Variants in B4GALT6 observed in about 807,000 individuals in gnomAD.
B4GALT6 encodes UDP-Gal:beta-GlcNAc beta-1,4-galactosyltransferase 6.
B4GALT6 carries 14 observed loss-of-function variants against 46.3 expected under a neutral mutation model. The observed-to-expected ratio is 0.30, with a 90% CI of 0.20 to 0.47. The LOEUF is 0.47. Ranked by LOEUF, B4GALT6 falls within the 20% of genes least tolerant of loss-of-function variation. The pLI is 0.99. For missense variants in B4GALT6, 386 were observed against 480.1 expected, an observed-to-expected ratio of 0.80 and a Z score of 1.83; for synonymous variants, 168 against 162.0, an observed-to-expected ratio of 1.04 and a Z score of -0.28.
At chr18:31,629,564 T>C (rs1264370720) in intron 6 of B4GALT6, among the ~76,000 whole-genome samples, 2 of 145,438 alleles carry the variant, frequency 1.4e-5, no homozygotes, top group Non-Finnish European at 3.0e-5. Flanking sequence ...AAGAACCAGA[T>C]TGTTGCCGGG....
Position 31,684,349 on chromosome 18 carries a change from C to A in B4GALT6, c.78G>T (p.Ser26=), listed in dbSNP as rs745989884. The change falls in exon 1 of 9, where the codon TCG becomes TCT. Residue 26 remains serine, a synonymous_variant. Coordinates refer to ENST00000306851, the MANE Select transcript of B4GALT6 (RefSeq NM_004775.5). The part of the protein sequence containing the change: ...LAFIFFFSLS[S]SCLYFIYVAP... ...CCACATAGATGAAGTACAGACAGGA[C>A]GAAGAGAGGGAGAAGAAGAAGATGA... 1.9e-6 allele frequency: 3 copies of A among 1,613,180 alleles called. No homozygotes were observed. The highest frequency in any genetic ancestry group is 1.7e-5 in the Admixed American group (1 of 59,926).
rs1467148835 is a variant in B4GALT6, at chr18:31,654,719, C to T, written c.346+3257G>A. Among the ~76,000 whole-genome samples the T allele has an allele frequency of 2.0e-5, 3 of 152,250 alleles. No individual in the cohort carries two copies. In the East Asian group the frequency reaches 5.8e-4, roughly 29 times the overall value. On this transcript the variant is annotated intron_variant, in intron 3 of 8. Coordinates refer to ENST00000306851, the MANE Select transcript of B4GALT6 (RefSeq NM_004775.5). ...TTTTAGTGACTATAAGTAAATATTA[C>T]TTGTACTTGAATGGTTTTCATCTAA... is the stretch of plus-strand genomic sequence containing the variant.
upstream of B4GALT6, among the ~76,000 whole-genome samples, chr18:31,690,217 C>T (rs946937017): frequency 8.5e-5 from 13 of 152,086 alleles, no homozygotes; most frequent in Non-Finnish European, 1.6e-4. Flanking sequence ...CTGCAATTTA[C>T]GCCTCCTGGG....
chr18:31,718,668 T>C, the B4GALT6 span, among the ~76,000 whole-genome samples: 11 of 151,996 alleles, frequency 7.2e-5, no homozygotes. Context: ...AGGGAGGGTG[T>C]GATATTCCAC....
the B4GALT6 span, among the ~76,000 whole-genome samples, chr18:31,697,280 A>G: frequency 6.6e-6 from 1 of 152,038 alleles, no homozygotes; most frequent in African/African-American, 2.4e-5. Flanking sequence ...ACCCTGAAAA[A>G]AAGAGAGAGA....
chr18:31,632,469 C>A (rs2073803209), intron 5 of B4GALT6, among the ~76,000 whole-genome samples: 1 of 152,164 alleles, frequency 6.6e-6, no homozygotes, highest in Non-Finnish European at 1.5e-5. Context: ...TAATCCATCT[C>A]CATCCAAGAG....
At chr18:31,658,861 G>A (rs2074176238) in intron 2 of B4GALT6, among the ~76,000 whole-genome samples, 1 of 152,108 alleles carries the variant, frequency 6.6e-6, no homozygotes, top group Non-Finnish European at 1.5e-5. Context: ...CTGGCCCATA[G>A]AAATAGCTAA....
chr18:31,691,402 C>T, the B4GALT6 span, among the ~76,000 whole-genome samples: 2 of 146,442 alleles, frequency 1.4e-5, no homozygotes, highest in Non-Finnish European at 3.0e-5. Context: ...TCATCCAGAG[C>T]ATATTATCAA....
chr18:31,678,801 C>T (rs780583088), intron 1 of B4GALT6, among the ~76,000 whole-genome samples: 18 of 152,318 alleles, frequency 1.2e-4, no homozygotes, highest in Non-Finnish European at 1.9e-4. Context: ...CCCAAGTTTC[C>T]CCTGGCCTTG....
Position 31,651,751 on chromosome 18 carries a change from C to T in B4GALT6, c.346+6225G>A, listed in dbSNP as rs530045005. Among the ~76,000 whole-genome samples the T allele has an allele frequency of 1.1e-4, 16 of 152,176 alleles. 1 individual carries two copies. In the East Asian group the frequency reaches 1.9e-3, roughly 18 times the overall value. On this transcript the variant is annotated intron_variant, in intron 3 of 8. Coordinates refer to ENST00000306851, the MANE Select transcript of B4GALT6 (RefSeq NM_004775.5). ...GACCTCCCTTGTGCTTCTCCCTCAT[C>T]CTTCCCAGTTCTCTTCTCTTCATCT...
Position 31,625,247 on chromosome 18 carries a change from T to C in B4GALT6, c.*367A>G, listed in dbSNP as rs547618984. The C allele has an allele frequency of 4.6e-5, 8 of 172,966 alleles. No individual in the cohort carries two copies. The highest frequency in any genetic ancestry group is 9.7e-5 in the Non-Finnish European group (8 of 82,318). The allele number at this position is 172,966 out of a possible 1,614,324, so 10.7% of individuals were successfully genotyped here. ...TGCAACACATCTAATTTTTAAACAATTTGCACACATTAATTTATATCACAT... is the reference window on the plus strand; with the variant it reads ...TGCAACACATCTAATTTTTAAACAACTTGCACACATTAATTTATATCACAT... On this transcript the variant is annotated 3_prime_UTR_variant, in exon 9 of 9. Coordinates refer to ENST00000306851, the MANE Select transcript of B4GALT6 (RefSeq NM_004775.5).
At chr18:31,685,398 C>CGCGGAGGAAAACCGGGACCG (rs1351937197), upstream of B4GALT6, among the ~76,000 whole-genome samples, 4 of 151,568 alleles carry the variant, frequency 2.6e-5, no homozygotes, top group Non-Finnish European at 5.9e-5. Flanking sequence ...GCGGGGGAGC[C>CGCGGAGGAAAACCGGGACCG]GCGGAGGAAA....
upstream of B4GALT6, among the ~76,000 whole-genome samples, chr18:31,687,905 A>G (rs577272984): frequency 2.8e-4 from 43 of 152,176 alleles, no homozygotes; most frequent in Non-Finnish European, 5.6e-4. Context: ...CTGAGTGAGG[A>G]TGAACAATAT....
At position 31,625,503 on chromosome 18, in the gene B4GALT6, T is replaced by C; in HGVS notation, c.*111A>G. On this transcript the variant is annotated 3_prime_UTR_variant, in exon 9 of 9. Transcript: ENST00000306851. Reference sequence around the variant, plus strand: ...TGTAAACACTGTGGACTGCTGGCTCTTCTCAGAGAAAAGGGCACTGTGACA... The same window carrying C: ...TGTAAACACTGTGGACTGCTGGCTCCTCTCAGAGAAAAGGGCACTGTGACA... 8.2e-7 allele frequency: 1 copy of C among 1,220,986 alleles called. No individual in the cohort carries two copies. Among genetic ancestry groups the C allele is most frequent in the Non-Finnish European group, 1.2e-6 (1 of 847,210 alleles). 75.6% of individuals were successfully genotyped at this position (1,220,986 alleles called of 1,614,324 possible).
At chr18:31,677,004 C>A (rs931872299) in intron 1 of B4GALT6, among the ~76,000 whole-genome samples, 6 of 152,180 alleles carry the variant, frequency 3.9e-5, no homozygotes, top group African/African-American at 1.4e-4. Flanking sequence ...AATATATCTT[C>A]TTTTACATAG....
chr18:31,723,167 G>C, the B4GALT6 span, among the ~76,000 whole-genome samples: 2 of 151,936 alleles, frequency 1.3e-5, no homozygotes, highest in Non-Finnish European at 2.9e-5. Context: ...TTTCTTATTG[G>C]CTTCTAATTT....
intron 1 of B4GALT6, among the ~76,000 whole-genome samples, chr18:31,678,456 GA>G (rs35737690): frequency 0.091 from 13,805 of 152,176 alleles, 824 homozygotes; most frequent in Middle Eastern, 0.15. Flanking sequence ...CTGAAGAAAA[GA>G]GAGCTTGTAT....
At chr18:31,694,611 A>G in the B4GALT6 span, among the ~76,000 whole-genome samples, 3 of 152,244 alleles carry the variant, frequency 2.0e-5, no homozygotes, top group Admixed American at 2.0e-4. Flanking sequence ...TGCCTGTAGG[A>G]CTTTTGTTCA....
chr18:31,708,076 A>G, the B4GALT6 span, among the ~76,000 whole-genome samples: 1 of 152,182 alleles, frequency 6.6e-6, no homozygotes, highest in African/African-American at 2.4e-5. Context: ...AGACTTCAGT[A>G]TGCATTATGA....
Sources: allele counts gnomAD v4.1 joint callset (sites outside exome capture counted in the v4.1 genomes callset), GRCh38; gene constraint gnomAD v4.1.1; transcripts MANE v1.5; gene names NCBI Gene and HGNC (gene_info 2026-07-23, HGNC 2026-07-21).